Variants in MMP16 observed in about 807,000 individuals in gnomAD.
The protein encoded by MMP16 is matrix metallopeptidase 16.
Under a neutral mutation model 67.8 loss-of-function variants are expected in MMP16, and 12 were observed. That is an observed-to-expected ratio of 0.18 (90% CI 0.11 to 0.29). MMP16 has a LOEUF of 0.29. Ranked by LOEUF, MMP16 falls within the 10% of genes least tolerant of loss-of-function variation. The probability of loss-of-function intolerance (pLI) is 1.00; values close to 1 mark genes in which losing one functional copy is unlikely to be tolerated. For missense variants in MMP16, 475 were observed against 765.7 expected, an observed-to-expected ratio of 0.62 and a Z score of 4.48; for synonymous variants, 249 against 255.9, an observed-to-expected ratio of 0.97 and a Z score of 0.26.
intron 8 of MMP16, among the ~76,000 whole-genome samples, chr8:88,053,263 G>C (rs1170438669): frequency 6.6e-6 from 1 of 152,166 alleles, no homozygotes; most frequent in African/African-American, 2.4e-5. Context: ...TGAACAACAT[G>C]TAGGGCTGAC....
At chr8:88,311,474 T>C (rs1273692665) in intron 1 of MMP16, among the ~76,000 whole-genome samples, 1 of 152,198 alleles carries the variant, frequency 6.6e-6, no homozygotes, top group Non-Finnish European at 1.5e-5. Context: ...AGATAGGAGA[T>C]ATGAGAATCT....
chr8:88,250,692 C>T (rs1810196348), intron 1 of MMP16, among the ~76,000 whole-genome samples: 1 of 151,658 alleles, frequency 6.6e-6, no homozygotes, highest in African/African-American at 2.4e-5. Context: ...CATTAAGAAA[C>T]CCGAGAAATT....
At chr8:88,123,332 A>G (rs938955268) in intron 4 of MMP16, among the ~76,000 whole-genome samples, 1 of 152,142 alleles carries the variant, frequency 6.6e-6, no homozygotes, top group South Asian at 2.1e-4. Flanking sequence ...AAAGCTTGGT[A>G]TAACTCTTGG....
chr8:88,074,665 A>G lies in MMP16; in HGVS notation c.1162T>C (p.Leu388=), dbSNP rs1808614482. The change falls in exon 7 of 10, where the codon TTG becomes CTG. Residue 388 remains leucine (L), a synonymous_variant. Coordinates refer to ENST00000286614, the MANE Select transcript of MMP16 (RefSeq NM_005941.5). ...PMQITYFWRG[L]PPSIDAVYEN... ...TAAACTGCATCGATACTAGGAGGCA[A>G]GCCCCGCCAGAAGTAAGTAATTTGC... The G allele has an allele frequency of 1.2e-6, 2 of 1,613,776 alleles. No individual in the cohort carries two copies. Among genetic ancestry groups the G allele is most frequent in the Admixed American group, 1.7e-5 (1 of 59,986 alleles).
chr8:88,061,403 G>C (rs928752602), intron 7 of MMP16, among the ~76,000 whole-genome samples: 1 of 152,178 alleles, frequency 6.6e-6, no homozygotes, highest in Admixed American at 6.6e-5. Flanking sequence ...GGAGTATGCA[G>C]TTTCAATGCC....
chr8:88,088,065 A>AT (rs1315302506), intron 6 of MMP16, among the ~76,000 whole-genome samples: 2 of 100,014 alleles, frequency 2.0e-5, no homozygotes, highest in Non-Finnish European at 3.8e-5. Context: ...ATCTATATAT[A>AT]ATAGATATCT....
At chr8:88,148,813 A>T (rs917892971) in intron 4 of MMP16, among the ~76,000 whole-genome samples, 2 of 152,204 alleles carry the variant, frequency 1.3e-5, no homozygotes, top group Non-Finnish European at 1.5e-5. Flanking sequence ...TCTACATGTT[A>T]CTTGTTAAAA....
At chr8:88,208,600 T>C (rs890163967) in intron 1 of MMP16, among the ~76,000 whole-genome samples, 1 of 151,986 alleles carries the variant, frequency 6.6e-6, no homozygotes, top group African/African-American at 2.4e-5. Context: ...ATGGAAAGGA[T>C]TGCCAGTGCT....
chr8:88,101,792 G>T (rs762679590), intron 6 of MMP16, among the ~76,000 whole-genome samples: 5 of 151,802 alleles, frequency 3.3e-5, no homozygotes, highest in Admixed American at 6.6e-5. Context: ...CAAAGAAAAG[G>T]AAAACATTAT....
rs1808352943 is a variant in MMP16 at position 88,058,032 on chromosome 8, C to A, written c.1223-1754G>T. Reference sequence around the variant, plus strand: ...CTTTAAGTAAAAAGGTCAGGGAAGACCTCTCTGAAGAAATACACCAAAATC... The same window carrying A: ...CTTTAAGTAAAAAGGTCAGGGAAGAACTCTCTGAAGAAATACACCAAAATC... On this transcript the variant is annotated intron_variant, in intron 7 of 9. Transcript: ENST00000286614. The surrounding 1 kb of genome is among the most constrained non-coding windows in gnomAD (Gnocchi z 4.2). Among the ~76,000 whole-genome samples the A allele has an allele frequency of 6.6e-6, 1 of 151,972 alleles. No homozygotes were observed. The highest frequency in any genetic ancestry group is 2.4e-5 in the African/African-American group (1 of 41,390).
At chr8:88,062,554 A>G (rs1213949479) in intron 7 of MMP16, among the ~76,000 whole-genome samples, 1 of 152,064 alleles carries the variant, frequency 6.6e-6, no homozygotes, top group African/African-American at 2.4e-5. Flanking sequence ...AACTATCGCA[A>G]GGACAAAAAA....
intron 1 of MMP16, among the ~76,000 whole-genome samples, chr8:88,203,397 C>T (rs554261912): frequency 1.3e-5 from 2 of 152,150 alleles, no homozygotes; most frequent in Non-Finnish European, 2.9e-5. Flanking sequence ...CTACTGCGCC[C>T]GGCCAATACC....
At chr8:88,195,020 A>G (rs1279590279) in intron 2 of MMP16, among the ~76,000 whole-genome samples, 1 of 152,110 alleles carries the variant, frequency 6.6e-6, no homozygotes, top group Non-Finnish European at 1.5e-5. Flanking sequence ...CTGGAATCTG[A>G]GCCACTCTGT....
chr8:88,116,773 A>C, intron 5 of MMP16, 55 bp from the exon 6 acceptor site: 1 of 1,457,760 alleles, frequency 6.9e-7, no homozygotes, highest in South Asian at 1.2e-5. Context: ...ATAGAGCTGG[A>C]AAATATGCTA....
intron 1 of MMP16, among the ~76,000 whole-genome samples, chr8:88,236,987 C>A (rs1328386892): frequency 1.3e-5 from 2 of 152,238 alleles, no homozygotes; most frequent in Non-Finnish European, 2.9e-5. Flanking sequence ...GCAACACAGA[C>A]AAGTCAGGCG....
rs141747228 is a variant in MMP16 at position 88,327,325 on chromosome 8, G to A, written c.-119C>T. Reference sequence around the variant, plus strand: ...CTCCGGGTGGGTAAGGAGCCTGCAGGTTCACCCACAGCCGGGCAAGGGGAG... The same window carrying A: ...CTCCGGGTGGGTAAGGAGCCTGCAGATTCACCCACAGCCGGGCAAGGGGAG... On this transcript the variant is annotated 5_prime_UTR_variant, in exon 1 of 10. Transcript: ENST00000286614. The A allele has an allele frequency of 2.3e-5, 32 of 1,380,864 alleles. No homozygotes were observed. The Admixed American group carries it at 5.6e-4, about 24-fold the overall frequency. 85.5% of individuals were successfully genotyped at this position (1,380,864 alleles called of 1,614,324 possible). A position where few individuals can be genotyped will look rare whatever the true frequency, so the allele number is the denominator to read the frequency against.
At chr8:88,234,141 A>G (rs1421928501) in intron 1 of MMP16, among the ~76,000 whole-genome samples, 2 of 152,220 alleles carry the variant, frequency 1.3e-5, no homozygotes, top group Non-Finnish European at 2.9e-5. Context: ...ATAGATGAAA[A>G]AACCATACAT....
chr8:88,070,772 G>C (rs1462522208), intron 7 of MMP16, among the ~76,000 whole-genome samples: 21 of 152,000 alleles, frequency 1.4e-4, no homozygotes, highest in Admixed American at 1.4e-3. Context: ...TTTATTTCCT[G>C]ACTCTCAGGA....
chr8:88,060,589 G>C (rs1452338141), intron 7 of MMP16, among the ~76,000 whole-genome samples: 2 of 152,040 alleles, frequency 1.3e-5, no homozygotes, highest in Non-Finnish European at 2.9e-5. Context: ...TCAAAACTTA[G>C]CTTAGCACGA....
Sources: gnomAD v4.1 joint callset for allele counts (sites outside exome capture counted in the v4.1 genomes callset) on GRCh38, gnomAD v4.1.1 for gene constraint, Gnocchi (gnomAD v3.1) non-coding constraint, MANE v1.5 for transcripts, NCBI Gene and HGNC (gene_info 2026-07-23, HGNC 2026-07-21) for gene names.